KLRG1: variants seen among roughly 807,000 people sequenced by gnomAD.
KLRG1 encodes the protein killer cell lectin like receptor G1, also known as killer cell lectin-like receptor subfamily G member 1.
KLRG1 carries 16 observed loss-of-function variants against 21.8 expected under a neutral mutation model. The observed-to-expected ratio is 0.73, with a 90% CI of 0.50 to 1.11. The LOEUF (loss-of-function observed/expected upper bound fraction) is 1.11, where lower values mean the gene tolerates loss of function less well. KLRG1 is among the 50% of genes most tolerant of loss of function. KLRG1 has a pLI of 0.00. For missense variants in KLRG1, 173 were observed against 218.3 expected (o/e 0.79, Z 1.31); for synonymous variants, 69 against 75.9 (o/e 0.91, Z 0.47).
the KLRG1 span, among the ~76,000 whole-genome samples, chr12:9,049,801 G>GT: frequency 6.6e-6 from 1 of 152,202 alleles, no homozygotes; most frequent in Non-Finnish European, 1.5e-5. Flanking sequence ...ACAGGAACAA[G>GT]TAAGTGTAGG....
At chr12:9,027,128 T>C in the KLRG1 span, among the ~76,000 whole-genome samples, 10 of 152,118 alleles carry the variant, frequency 6.6e-5, no homozygotes, top group African/African-American at 2.2e-4. Flanking sequence ...AATTAACATA[T>C]GCATTACTTC....
chr12:9,163,760 C>T, the KLRG1 span: 1 of 1,612,906 alleles, frequency 6.2e-7, no homozygotes, highest in Non-Finnish European at 8.5e-7. Flanking sequence ...GACTGCATTG[C>T]CTCTGCACTC....
chr12:9,047,243 A>G, the KLRG1 span, among the ~76,000 whole-genome samples: 1 of 152,204 alleles, frequency 6.6e-6, no homozygotes, highest in Non-Finnish European at 1.5e-5. Context: ...TAAAACTTAT[A>G]GACATGTGAA....
At chr12:8,981,564 C>T (rs892603435) in intron 1 of KLRG1, among the ~76,000 whole-genome samples, 5 of 151,674 alleles carry the variant, frequency 3.3e-5, no homozygotes, top group African/African-American at 7.3e-5. Context: ...GGAATTATGT[C>T]GATTTTTTCT....
chr12:8,979,961 T>C (rs1234395208), intron 1 of KLRG1, among the ~76,000 whole-genome samples: 1 of 152,128 alleles, frequency 6.6e-6, no homozygotes, highest in Non-Finnish European at 1.5e-5. Flanking sequence ...AGTGCAGTAG[T>C]GCGATCATGG....
the KLRG1 span, among the ~76,000 whole-genome samples, chr12:9,146,441 A>T: frequency 6.6e-5 from 10 of 152,262 alleles, no homozygotes; most frequent in African/African-American, 2.4e-4. Flanking sequence ...TTCAGTGAGC[A>T]TCTTTATGAG....
At chr12:9,082,311 C>G in the KLRG1 span, among the ~76,000 whole-genome samples, 1 of 152,204 alleles carries the variant, frequency 6.6e-6, no homozygotes, top group Non-Finnish European at 1.5e-5. Context: ...CAGAATCATC[C>G]AGCCAGGCAA....
chr12:9,063,638 A>T, the KLRG1 span, among the ~76,000 whole-genome samples: 132 of 152,322 alleles, frequency 8.7e-4, no homozygotes, highest in African/African-American at 2.5e-3. Flanking sequence ...CCAGTATTAC[A>T]TATGAATTTG....
At chr12:9,110,093 A>G in the KLRG1 span, 1 of 1,542,100 alleles carries the variant, frequency 6.5e-7, no homozygotes, top group East Asian at 2.3e-5. Flanking sequence ...GAGCTAATAA[A>G]AGATATCTAT....
At chr12:9,036,593 C>G in the KLRG1 span, 1 of 175,142 alleles carries the variant, frequency 5.7e-6, no homozygotes, top group East Asian at 1.8e-4. Flanking sequence ...TGTGACTTTC[C>G]CAGAAAAATG....
intron 1 of KLRG1, among the ~76,000 whole-genome samples, chr12:8,953,020 A>T (rs1367774775): frequency 6.8e-6 from 1 of 147,598 alleles, no homozygotes; most frequent in Non-Finnish European, 1.5e-5. Flanking sequence ...CACTTTGCCA[A>T]CCAGGGACCC....
Position 8,995,304 on chromosome 12 carries a change from T to A in KLRG1, c.357+16T>A. On this transcript the variant is annotated intron_variant, in intron 3 of 4. Coordinates refer to ENST00000356986, the MANE Select transcript of KLRG1 (RefSeq NM_005810.4). The stretch of plus-strand genomic sequence containing the variant: ...TCAGGAAATGGTAAATGCAAACATT[T>A]AGAAAATGTAGGGTTTTTGTTTTGT... The A allele has an allele frequency of 4.4e-6, 7 of 1,593,512 alleles. No individual in the cohort carries two copies. In the South Asian group the frequency reaches 8.0e-5, roughly 18 times the overall value.
At chr12:9,172,419 A>C in the KLRG1 span, among the ~76,000 whole-genome samples, 1 of 152,206 alleles carries the variant, frequency 6.6e-6, no homozygotes, top group East Asian at 1.9e-4. Context: ...AACACTATGA[A>C]GCAATCACAT....
chr12:9,132,944 T>C, the KLRG1 span, among the ~76,000 whole-genome samples: 1 of 152,210 alleles, frequency 6.6e-6, no homozygotes, highest in South Asian at 2.1e-4. Flanking sequence ...TTTGAATGAA[T>C]GAAAACTGGT....
At chr12:8,960,613 C>T (rs751979895) in intron 1 of KLRG1, among the ~76,000 whole-genome samples, 8 of 152,152 alleles carry the variant, frequency 5.3e-5, no homozygotes, top group Non-Finnish European at 8.8e-5. Flanking sequence ...ATGGATTGTT[C>T]ACATTTTTGC....
At chr12:9,122,734 GTAT>G in the KLRG1 span, among the ~76,000 whole-genome samples, 6 of 151,974 alleles carry the variant, frequency 3.9e-5, no homozygotes, top group African/African-American at 7.2e-5. Context: ...ATTGTATAAG[GTAT>G]TATTGAAAGT....
At chr12:9,173,636 A>G in the KLRG1 span, among the ~76,000 whole-genome samples, 1 of 152,190 alleles carries the variant, frequency 6.6e-6, no homozygotes, top group African/African-American at 2.4e-5. Context: ...ATCAGAAATG[A>G]TAGGGGAATA....
At chr12:9,105,332 C>G in the KLRG1 span, among the ~76,000 whole-genome samples, 1 of 152,278 alleles carries the variant, frequency 6.6e-6, no homozygotes, top group African/African-American at 2.4e-5. Context: ...TATTTAACAG[C>G]AATAAAATGT....
chr12:9,206,337 T>C, the KLRG1 span, among the ~76,000 whole-genome samples: 1 of 152,044 alleles, frequency 6.6e-6, no homozygotes, highest in African/African-American at 2.4e-5. Context: ...TCCACATATA[T>C]TTGATATTCT....
Sources: allele counts gnomAD v4.1 joint callset (sites outside exome capture counted in the v4.1 genomes callset), GRCh38; gene constraint gnomAD v4.1.1; transcripts MANE v1.5; gene names NCBI Gene and HGNC (gene_info 2026-07-23, HGNC 2026-07-21).